ZNF107: variants seen among roughly 807,000 people sequenced by gnomAD.
ZNF107 encodes zinc finger protein 107.
A neutral mutation model predicts 12.3 loss-of-function variants in ZNF107; 19 were observed. The observed-to-expected ratio is 1.55, with a 90% CI of 1.08 to 2.27. The LOEUF is 2.27. Among genes scored for constraint, ZNF107 ranks in the 30% most tolerant of loss-of-function variants. The pLI, the probability that ZNF107 is intolerant of heterozygous loss-of-function variation, is 0.00. For synonymous variants in ZNF107, 317 were observed against 330.5 expected, an observed-to-expected ratio of 0.96 and a Z score of 0.44; for missense variants, 958 against 979.9, an observed-to-expected ratio of 0.98 and a Z score of 0.30.
At chr7:64,671,309 T>C (rs542337972) in intron 1 of ZNF107, among the ~76,000 whole-genome samples, 1 of 152,242 alleles carries the variant, frequency 6.6e-6, no homozygotes, top group South Asian at 2.1e-4. Flanking sequence ...ACATACCCAT[T>C]ATACATTGAT....
At chr7:64,685,226 C>T (rs1789857972) in intron 1 of ZNF107, among the ~76,000 whole-genome samples, 1 of 152,160 alleles carries the variant, frequency 6.6e-6, no homozygotes. Context: ...ACTTTCCAAG[C>T]CCCTTTATGC....
chr7:64,681,739 A>C (rs1319434413), intron 1 of ZNF107, among the ~76,000 whole-genome samples: 2 of 151,868 alleles, frequency 1.3e-5, no homozygotes, highest in Non-Finnish European at 2.9e-5. Flanking sequence ...GTACCCATTA[A>C]CTCTCCCATC....
At chr7:64,684,749 T>A in intron 1 of ZNF107, 1 of 982,910 alleles carries the variant, frequency 1.0e-6, no homozygotes, top group Non-Finnish European at 1.2e-6. Context: ...TAGGGCACTC[T>A]GTATAACTTC....
At chr7:64,683,848 G>T (rs184445227) in intron 1 of ZNF107, among the ~76,000 whole-genome samples, 1 of 152,264 alleles carries the variant, frequency 6.6e-6, no homozygotes, top group East Asian at 1.9e-4. Context: ...AAAAATATAA[G>T]TACCTCCTAG....
intron 1 of ZNF107, among the ~76,000 whole-genome samples, chr7:64,672,525 T>G (rs902088410): frequency 2.0e-5 from 3 of 152,042 alleles, no homozygotes; most frequent in African/African-American, 4.8e-5. Context: ...CCCGGCTAAT[T>G]TTTCTTTTTG....
intron 1 of ZNF107, among the ~76,000 whole-genome samples, chr7:64,670,952 G>A (rs979740727): frequency 6.6e-6 from 1 of 152,198 alleles, no homozygotes; most frequent in Non-Finnish European, 1.5e-5. Flanking sequence ...CTGCAGTGAG[G>A]ACAGTGTTGT....
At chr7:64,668,305 C>T (rs1000068088) in intron 1 of ZNF107, among the ~76,000 whole-genome samples, 1 of 106,336 alleles carries the variant, frequency 9.4e-6, no homozygotes, top group African/African-American at 3.7e-5. Context: ...ATCCCTCCCC[C>T]CTCCCCCCAC....
At position 64,691,296 on chromosome 7, in the gene ZNF107, T is replaced by C. The variant is rs529677512; in HGVS notation, c.52T>C (p.Trp18Arg). The C allele has an allele frequency of 6.4e-7, 1 of 1,555,494 alleles. No individual in the cohort carries two copies. The highest frequency in any genetic ancestry group is 1.9e-5 in the Admixed American group (1 of 51,502). ...CGCCATAGAATTCTCTCTGGAGGAG[T>C]GGCAATGCCTGGATACTGCACAGCG... Reference protein sequence around the residue: ...DVAIEFSLEEWQCLDTAQRDL... With the variant: ...DVAIEFSLEERQCLDTAQRDL... Residue 18 changes from tryptophan (W) to arginine (R), a missense_variant, in exon 2 of 4, where the codon TGG becomes CGG. Coordinates refer to ENST00000620827, the MANE Select transcript of ZNF107 (RefSeq NM_001282359.2).
Position 64,709,608 on chromosome 7 carries a change from C to T in ZNF107, c.*952C>T. On this transcript the variant is annotated 3_prime_UTR_variant, in exon 4 of 4. Coordinates refer to ENST00000620827, the MANE Select transcript of ZNF107 (RefSeq NM_001282359.2). ...AGGTAAGAATCCATACTGAAGAAAA[C>T]TCCTGGAAGTGTAAAAAATGTGGCA... 1 of 434,412 alleles carries T rather than the reference C, an allele frequency of 2.3e-6. No individual in the cohort carries two copies. The allele number at this position is 434,412 out of a possible 1,614,324, so 26.9% of individuals were successfully genotyped here.
At chr7:64,704,944 G>T (rs1340887378) in intron 3 of ZNF107, among the ~76,000 whole-genome samples, 1 of 152,168 alleles carries the variant, frequency 6.6e-6, no homozygotes, top group African/African-American at 2.4e-5. Flanking sequence ...CTCCCAATGT[G>T]CTGGGATTAC....
chr7:64,690,470 C>G, intron 1 of ZNF107: 7 of 982,252 alleles, frequency 7.1e-6, no homozygotes, highest in Non-Finnish European at 8.4e-6. Flanking sequence ...TGGTGCCTTT[C>G]CGGAGTGGTT....
intron 1 of ZNF107, among the ~76,000 whole-genome samples, chr7:64,689,151 C>A (rs1790031423): frequency 6.6e-6 from 1 of 152,160 alleles, no homozygotes; most frequent in African/African-American, 2.4e-5. Context: ...TGTGCTAGAG[C>A]AGCCTCTATG....
chr7:64,686,819 C>T (rs1789935641), intron 1 of ZNF107: 2 of 922,724 alleles, frequency 2.2e-6, no homozygotes, highest in South Asian at 1.0e-4. Context: ...CCTCACACCT[C>T]CGGGCTGACT....
chr7:64,681,714 C>T (rs1789683416), intron 1 of ZNF107, among the ~76,000 whole-genome samples: 1 of 152,156 alleles, frequency 6.6e-6, no homozygotes, highest in Admixed American at 6.5e-5. Context: ...CCACTTTTTA[C>T]AACATGGCCT....
chr7:64,710,059 C>T lies in ZNF107; in HGVS notation c.*1403C>T, dbSNP rs1430338769. On this transcript the variant is annotated 3_prime_UTR_variant, in exon 4 of 4. Transcript: ENST00000620827. ...AGGAGAATTGCTCAAACCTGGGAGG[C>T]GAAGATTGCAGTGAGCTGAAATCAC... The T allele has an allele frequency of 1.5e-5, 3 of 203,952 alleles. No homozygotes were observed. Among genetic ancestry groups the T allele is most frequent in the African/African-American group, 2.4e-5 (1 of 41,752 alleles). 12.6% of individuals were successfully genotyped at this position (203,952 alleles called of 1,614,324 possible). A position where few individuals can be genotyped will look rare whatever the true frequency, so the allele number is the denominator to read the frequency against.
intron 1 of ZNF107, among the ~76,000 whole-genome samples, chr7:64,675,802 A>C (rs1212398290): frequency 1.3e-5 from 2 of 152,116 alleles, no homozygotes; most frequent in Non-Finnish European, 2.9e-5. Context: ...TGTTCCAAAG[A>C]ATTTCTTGAT....
chr7:64,679,347 T>G, intron 1 of ZNF107: 8 of 985,170 alleles, frequency 8.1e-6, no homozygotes, highest in Non-Finnish European at 8.4e-6. Flanking sequence ...GTAAGAGACC[T>G]CCATCCTTTC....
rs1355720803 is a variant in ZNF107, at chr7:64,711,134, A to G, written c.*2478A>G. 2.0e-5 allele frequency: 3 copies of G among 152,142 alleles called. No individual in the cohort carries two copies. Among genetic ancestry groups the G allele is most frequent in the African/African-American group, 4.8e-5 (2 of 41,452 alleles). 9.4% of individuals were successfully genotyped at this position (152,142 alleles called of 1,614,324 possible). A position where few individuals can be genotyped will look rare whatever the true frequency, so the allele number is the denominator to read the frequency against. ...TCATGCCACTGACTTTACCTATCCC[A>G]CATTACTCAAGGGTTTAGGTAAAAG... On this transcript the variant is annotated 3_prime_UTR_variant, in exon 4 of 4. Coordinates refer to ENST00000620827, the MANE Select transcript of ZNF107 (RefSeq NM_001282359.2).
intron 3 of ZNF107, among the ~76,000 whole-genome samples, chr7:64,700,547 T>G: frequency 4.9e-5 from 1 of 20,326 alleles, no homozygotes; most frequent in Non-Finnish European, 1.1e-4. Context: ...AGACTGAGTC[T>G]TCCTCTGTTG....
Sources: allele counts gnomAD v4.1 joint callset (sites outside exome capture counted in the v4.1 genomes callset), GRCh38; gene constraint gnomAD v4.1.1; transcripts MANE v1.5; gene names NCBI Gene and HGNC (gene_info 2026-07-23, HGNC 2026-07-21).